Variants in PPP2R2B observed in about 807,000 individuals in gnomAD.
PPP2R2B encodes the protein serine/threonine-protein phosphatase 2A 55 kDa regulatory subunit B beta isoform.
PPP2R2B carries 5 observed loss-of-function variants against 46.0 expected under a neutral mutation model. The ratio of observed to expected loss-of-function variants is 0.11; its 90% CI spans 0.06 to 0.23. The LOEUF is 0.23. Ranked by LOEUF, PPP2R2B falls within the 10% of genes least tolerant of loss-of-function variation. PPP2R2B has a pLI of 1.00. For synonymous variants in PPP2R2B, 215 were observed against 206.7 expected, an observed-to-expected ratio of 1.04 and a Z score of -0.34; for missense variants, 367 against 575.0, an observed-to-expected ratio of 0.64 and a Z score of 3.70.
intron 1 of PPP2R2B, among the ~76,000 whole-genome samples, chr5:147,024,648 AAATT>A (rs1208954542): frequency 6.6e-6 from 1 of 152,166 alleles, no homozygotes; most frequent in Non-Finnish European, 1.5e-5. Context: ...ATTAAATTAG[AAATT>A]AATAACAAAA....
chr5:146,788,576 C>T (rs1200768172), intron 2 of PPP2R2B, among the ~76,000 whole-genome samples: 4 of 152,120 alleles, frequency 2.6e-5, no homozygotes, highest in Non-Finnish European at 5.9e-5. Flanking sequence ...ACTGAAAATA[C>T]AAATATTAGC....
At chr5:146,955,773 A>C (rs1582492851) in intron 1 of PPP2R2B, among the ~76,000 whole-genome samples, 2 of 131,150 alleles carry the variant, frequency 1.5e-5, no homozygotes, top group East Asian at 2.4e-4. Context: ...TCTTTCTATT[A>C]CTTTTTTTTT....
chr5:146,635,479 C>T (rs1045521313), intron 7 of PPP2R2B, among the ~76,000 whole-genome samples: 1 of 152,182 alleles, frequency 6.6e-6, no homozygotes, highest in African/African-American at 2.4e-5. Flanking sequence ...GCTTCCCAGT[C>T]AGTTGATTCC....
At chr5:146,829,388 G>A (rs1205009507) in intron 2 of PPP2R2B, among the ~76,000 whole-genome samples, 1 of 152,174 alleles carries the variant, frequency 6.6e-6, no homozygotes, top group African/African-American at 2.4e-5. Flanking sequence ...AAATATTAAT[G>A]GGCATGCTTG....
At chr5:146,997,601 G>A (rs1194588619) in intron 1 of PPP2R2B, among the ~76,000 whole-genome samples, 2 of 152,222 alleles carry the variant, frequency 1.3e-5, no homozygotes, top group Non-Finnish European at 2.9e-5. Flanking sequence ...GCCAACATGT[G>A]AGACCAATAC....
intron 7 of PPP2R2B, among the ~76,000 whole-genome samples, chr5:146,604,200 C>T (rs770611891): frequency 2.0e-4 from 31 of 152,066 alleles, no homozygotes; most frequent in South Asian, 4.2e-4. Flanking sequence ...TGTTATCAGA[C>T]GGAAATCATG....
chr5:146,959,489 C>T (rs1476048653), intron 1 of PPP2R2B, among the ~76,000 whole-genome samples: 2 of 152,110 alleles, frequency 1.3e-5, no homozygotes, highest in Non-Finnish European at 2.9e-5. Flanking sequence ...CACCCAGTAC[C>T]TCACCTATTG....
upstream of PPP2R2B, among the ~76,000 whole-genome samples, chr5:146,880,721 A>T (rs1032361338): frequency 3.3e-5 from 5 of 152,190 alleles, no homozygotes; most frequent in Non-Finnish European, 7.3e-5. Context: ...GGAATTTTCC[A>T]TTGTAACCAA....
intron 2 of PPP2R2B, among the ~76,000 whole-genome samples, chr5:146,844,402 G>A (rs924226660): frequency 3.3e-5 from 5 of 150,574 alleles, no homozygotes; most frequent in African/African-American, 1.2e-4. Context: ...CATCCAAAAT[G>A]CCAGACAAAT....
At chr5:146,822,280 T>G (rs1011555966) in intron 2 of PPP2R2B, among the ~76,000 whole-genome samples, 1 of 152,208 alleles carries the variant, frequency 6.6e-6, no homozygotes, top group Non-Finnish European at 1.5e-5. Context: ...TACATCATTT[T>G]CTTGCTTCTA....
chr5:146,842,032 G>T (rs1422721428), intron 2 of PPP2R2B, among the ~76,000 whole-genome samples: 1 of 152,084 alleles, frequency 6.6e-6, no homozygotes, highest in Admixed American at 6.5e-5. Context: ...CTGAGACAGG[G>T]ATTCATCCAT....
At chr5:146,933,439 T>C (rs1764031628) in intron 1 of PPP2R2B, among the ~76,000 whole-genome samples, 1 of 152,138 alleles carries the variant, frequency 6.6e-6, no homozygotes, top group Non-Finnish European at 1.5e-5. Context: ...GGAGTTTTTA[T>C]TCCCATTCTC....
intron 5 of PPP2R2B, among the ~76,000 whole-genome samples, chr5:146,676,571 C>T (rs1777730058): frequency 1.3e-5 from 2 of 152,124 alleles, no homozygotes; most frequent in African/African-American, 4.8e-5. Context: ...AGGAAATTAT[C>T]CTCTGCTCTC....
At position 146,825,532 on chromosome 5, in the gene PPP2R2B, T is replaced by C. The variant is rs80066437; in HGVS notation, c.70+52470A>G. 4.3e-4 allele frequency among the ~76,000 whole-genome samples: 65 copies of C among 152,346 alleles called. No individual in the cohort carries two copies. In the East Asian group the frequency reaches 0.011, roughly 25 times the overall value. ...TCATTGCACTTGCTTGCATTTCTAT[T>C]TGTATCATAAGTGTTTTTTCTTTCC... is the stretch of plus-strand genomic sequence containing the variant. On this transcript the variant is annotated intron_variant, in intron 2 of 9. Coordinates refer to ENST00000394411, the MANE Select transcript of PPP2R2B (RefSeq NM_181675.4).
intron 1 of PPP2R2B, among the ~76,000 whole-genome samples, chr5:146,887,851 G>A (rs552954411): frequency 6.6e-6 from 1 of 152,344 alleles, no homozygotes; most frequent in South Asian, 2.1e-4. Context: ...ATCTAGTAGA[G>A]AACCATTAGT....
At chr5:146,665,948 G>C (rs933940381) in intron 5 of PPP2R2B, among the ~76,000 whole-genome samples, 3 of 152,190 alleles carry the variant, frequency 2.0e-5, no homozygotes, top group Non-Finnish European at 4.4e-5. Flanking sequence ...TTGCAGTGTT[G>C]CTACAAACCT....
At chr5:146,664,862 AATCTC>A (rs1407173144) in intron 5 of PPP2R2B, among the ~76,000 whole-genome samples, 1 of 152,186 alleles carries the variant, frequency 6.6e-6, no homozygotes, top group Non-Finnish European at 1.5e-5. Context: ...GGAAAACATT[AATCTC>A]CTTGTACTTC....
intron 2 of PPP2R2B, among the ~76,000 whole-genome samples, chr5:146,801,480 AAAG>A (rs1409279710): frequency 1.3e-5 from 2 of 152,192 alleles, no homozygotes; most frequent in East Asian, 3.9e-4. Context: ...AAAACTAGAA[AAAG>A]AATAGGGCCC....
At chr5:146,801,529 A>C (rs932830903) in intron 2 of PPP2R2B, among the ~76,000 whole-genome samples, 2 of 152,198 alleles carry the variant, frequency 1.3e-5, no homozygotes, top group Non-Finnish European at 2.9e-5. Flanking sequence ...GGAGCACAGA[A>C]GATGCCCTTG....
Sources: allele counts gnomAD v4.1 joint callset (sites outside exome capture counted in the v4.1 genomes callset), GRCh38; gene constraint gnomAD v4.1.1; transcripts MANE v1.5; gene names NCBI Gene and HGNC (gene_info 2026-07-23, HGNC 2026-07-21).